NUBPL: variants seen among roughly 807,000 people sequenced by gnomAD.
NUBPL encodes NUBP iron-sulfur cluster assembly factor, mitochondrial.
In NUBPL, 31 loss-of-function variants were observed where a neutral mutation model predicts 45.7. That is an observed-to-expected ratio of 0.68 (90% CI 0.51 to 0.92). NUBPL has a LOEUF of 0.92. Among genes scored for constraint, NUBPL ranks in the 40% least tolerant of loss-of-function variants. The pLI, the probability that NUBPL is intolerant of heterozygous loss-of-function variation, is 0.00. For missense variants in NUBPL, 401 were observed against 398.7 expected, an observed-to-expected ratio of 1.01 and a Z score of -0.05; for synonymous variants, 144 against 140.9, an observed-to-expected ratio of 1.02 and a Z score of -0.15.
At chr14:31,833,308 G>A (rs2040222228) in intron 8 of NUBPL, among the ~76,000 whole-genome samples, 1 of 152,084 alleles carries the variant, frequency 6.6e-6, no homozygotes, top group African/African-American at 2.4e-5. Context: ...GGTTTAGGCT[G>A]CAGTGAACTG....
At chr14:31,575,499 A>T (rs1013182080) in intron 3 of NUBPL, among the ~76,000 whole-genome samples, 1 of 152,206 alleles carries the variant, frequency 6.6e-6, no homozygotes, top group African/African-American at 2.4e-5. Flanking sequence ...GCATACAGTA[A>T]ATGCTAATAA....
intron 7 of NUBPL, among the ~76,000 whole-genome samples, chr14:31,817,131 A>G (rs2039933758): frequency 6.6e-6 from 1 of 152,150 alleles, no homozygotes; most frequent in Admixed American, 6.5e-5. Context: ...AAATTAGAGA[A>G]AAAAGAATGA....
chr14:31,703,729 G>A (rs1261823874), intron 6 of NUBPL, among the ~76,000 whole-genome samples: 2 of 152,168 alleles, frequency 1.3e-5, no homozygotes, highest in Non-Finnish European at 2.9e-5. Flanking sequence ...GGGAATTATG[G>A]GAGCTACAAG....
At chr14:31,739,220 A>G (rs12433717) in intron 6 of NUBPL, among the ~76,000 whole-genome samples, 1 of 21,030 alleles carries the variant, frequency 4.8e-5, no homozygotes, top group Non-Finnish European at 8.3e-5. Context: ...ATATTATATT[A>G]TATATATATA....
At chr14:31,715,996 T>A (rs961719154) in intron 6 of NUBPL, among the ~76,000 whole-genome samples, 2 of 151,884 alleles carry the variant, frequency 1.3e-5, no homozygotes, top group Admixed American at 6.6e-5. Flanking sequence ...TCTGTTAAAA[T>A]TTTTTTTTCT....
chr14:31,854,356 T>A (rs188683269), intron 10 of NUBPL, among the ~76,000 whole-genome samples: 3 of 152,320 alleles, frequency 2.0e-5, no homozygotes, highest in Non-Finnish European at 4.4e-5. Flanking sequence ...GTTATCTCAG[T>A]TATGTCCTTT....
chr14:31,771,855 A>G (rs2138765243), intron 6 of NUBPL: 1 of 985,352 alleles, frequency 1.0e-6, no homozygotes, highest in African/African-American at 1.7e-5. Flanking sequence ...CAAAATTAGG[A>G]TGTGACCACA....
intron 6 of NUBPL, among the ~76,000 whole-genome samples, chr14:31,749,154 TG>T (rs1218710768): frequency 1.2e-4 from 19 of 152,228 alleles, no homozygotes; most frequent in African/African-American, 4.3e-4. Flanking sequence ...GACTTACTCC[TG>T]TTATATTATT....
chr14:31,840,134 C>T (rs558943767), intron 8 of NUBPL, among the ~76,000 whole-genome samples: 28 of 152,226 alleles, frequency 1.8e-4, no homozygotes, highest in African/African-American at 6.0e-4. Flanking sequence ...AATCAGTTTA[C>T]GAAAGAGATA....
At chr14:31,816,341 A>G (rs576720662) in intron 7 of NUBPL, among the ~76,000 whole-genome samples, 2 of 152,170 alleles carry the variant, frequency 1.3e-5, no homozygotes, top group Admixed American at 6.5e-5. Flanking sequence ...GTATTCTCTG[A>G]TGGTAGTTTG....
chr14:31,599,486 G>T, intron 4 of NUBPL, 107 bp downstream of exon 4: 2 of 759,104 alleles, frequency 2.6e-6, no homozygotes, highest in Middle Eastern at 3.7e-4. Context: ...GCACAATGTA[G>T]TGTAAGTCCT....
At chr14:31,841,947 T>C (rs1030998600) in intron 8 of NUBPL, among the ~76,000 whole-genome samples, 1 of 140,050 alleles carries the variant, frequency 7.1e-6, no homozygotes, top group Admixed American at 7.3e-5. Flanking sequence ...TTTTTTTTTT[T>C]TGAGACGGGG....
chr14:31,774,393 A>T (rs1936976471), intron 6 of NUBPL, among the ~76,000 whole-genome samples: 1 of 152,194 alleles, frequency 6.6e-6, no homozygotes, highest in Admixed American at 6.5e-5. Context: ...GGAACTATTG[A>T]CCATACATTC....
chr14:31,808,757 C>T (rs2039741514), intron 7 of NUBPL, among the ~76,000 whole-genome samples: 1 of 152,150 alleles, frequency 6.6e-6, no homozygotes, highest in Non-Finnish European at 1.5e-5. Flanking sequence ...GTGGGTTTGT[C>T]ATAAATAGCT....
intron 7 of NUBPL, among the ~76,000 whole-genome samples, chr14:31,788,975 T>C (rs2039331658): frequency 6.6e-6 from 1 of 152,222 alleles, no homozygotes; most frequent in Non-Finnish European, 1.5e-5. Flanking sequence ...GCAGCATTTA[T>C]ACTACTGGTA....
chr14:31,629,086 T>C (rs751137343), intron 4 of NUBPL, among the ~76,000 whole-genome samples: 3 of 152,164 alleles, frequency 2.0e-5, no homozygotes, highest in Non-Finnish European at 4.4e-5. Flanking sequence ...ATTATAAAAA[T>C]AGTTTTACCC....
intron 6 of NUBPL, among the ~76,000 whole-genome samples, chr14:31,780,192 A>C (rs1476982843): frequency 6.6e-6 from 1 of 151,546 alleles, no homozygotes; most frequent in Non-Finnish European, 1.5e-5. Flanking sequence ...TCTCCAGAGT[A>C]ACTGGGATTA....
intron 6 of NUBPL, among the ~76,000 whole-genome samples, chr14:31,770,712 A>T (rs2038994077): frequency 6.6e-6 from 1 of 152,216 alleles, no homozygotes; most frequent in African/African-American, 2.4e-5. Flanking sequence ...CTGTAAGATT[A>T]AACTAGAAAC....
intron 6 of NUBPL, among the ~76,000 whole-genome samples, chr14:31,785,430 G>T (rs1595624332): frequency 6.6e-6 from 1 of 152,144 alleles, no homozygotes; most frequent in South Asian, 2.1e-4. Context: ...ATTCTCATAT[G>T]AGCACGGACC....
Sources: gnomAD v4.1 joint callset for allele counts (sites outside exome capture counted in the v4.1 genomes callset) on GRCh38, gnomAD v4.1.1 for gene constraint, MANE v1.5 for transcripts, NCBI Gene and HGNC (gene_info 2026-07-23, HGNC 2026-07-21) for gene names.